The following APOL1 variants were observed in gnomAD, a reference collection of about 807,000 sequenced individuals.
The protein encoded by APOL1 is apolipoprotein L1.
APOL1 carries 17 observed loss-of-function variants against 14.9 expected under a neutral mutation model. The ratio of observed to expected loss-of-function variants is 1.14; its 90% confidence interval spans 0.78 to 1.71. The LOEUF is 1.71. Ranked by LOEUF, APOL1 falls within the 40% of genes most tolerant of loss-of-function variation. The pLI, the probability that APOL1 is intolerant of heterozygous loss-of-function variation, is 0.00. For synonymous variants in APOL1, 195 were observed against 184.8 expected (o/e 1.05, Z -0.45); for missense variants, 523 against 485.9 (o/e 1.08, Z -0.72).
At position 36,254,175 on chromosome 22, in the gene APOL1, C is replaced by G. The variant is rs115877308; in HGVS notation, c.-19-762C>G. On this transcript the variant is annotated intron_variant, in intron 1 of 5. Coordinates refer to ENST00000397278, the MANE Select transcript of APOL1 (RefSeq NM_003661.4). ...GACTCTGGGAAATTCACCTCCCCTC[C>G]CAGCCTGAGTATTTTCCCCTGTAAA... Among the ~76,000 whole-genome samples the G allele has an allele frequency of 0.011, 1,602 of 152,150 alleles. 29 individuals carry two copies. Among genetic ancestry groups the G allele is most frequent in the African/African-American group, 0.037 (1,520 of 41,402 alleles).
At chr22:36,260,425 T>C (rs2016042424) in intron 4 of APOL1, among the ~76,000 whole-genome samples, 1 of 152,162 alleles carries the variant, frequency 6.6e-6, no homozygotes, top group Non-Finnish European at 1.5e-5. Context: ...CTCTTGTGTG[T>C]GCACGGCAAG....
chr22:36,265,320 G>A lies in APOL1; in HGVS notation c.484G>A (p.Ala162Thr). The A allele has an allele frequency of 1.2e-6, 2 of 1,612,650 alleles. No homozygotes were observed. The highest frequency in any genetic ancestry group is 1.7e-6 in the Non-Finnish European group (2 of 1,179,326). The change falls in exon 6 of 6, where the codon GCA becomes ACA. Residue 162 changes from alanine to threonine, a missense_variant. Coordinates refer to ENST00000397278, the MANE Select transcript of APOL1 (RefSeq NM_003661.4). ...EDNIRRLRAL[A>T]DGVQKVHKGT... The stretch of plus-strand genomic sequence containing the variant: ...TAACATAAGAAGGCTCCGTGCCCTT[G>A]CAGATGGGGTTCAGAAGGTCCACAA...
At chr22:36,257,694 AGCG>A in intron 4 of APOL1, 1 of 201,040 alleles carries the variant, frequency 5.0e-6, no homozygotes, top group Non-Finnish European at 9.4e-6. Context: ...AAGTGGAATC[AGCG>A]GGGGGGGGGG....
In APOL1 at chr22:36,257,883, C is replaced by T. The variant is rs542681837; in HGVS notation, c.187+476C>T. Among the ~76,000 whole-genome samples the T allele has an allele frequency of 5.3e-5, 8 of 152,284 alleles. No individual in the cohort carries two copies. The South Asian group carries it at 1.7e-3, about 32-fold the overall frequency. On this transcript the variant is annotated intron_variant, in intron 4 of 5. Coordinates refer to ENST00000397278, the MANE Select transcript of APOL1 (RefSeq NM_003661.4). The stretch of plus-strand genomic sequence containing the variant: ...CCCTAGCCCCTTTGCTCTGAGTGGC[C>T]CTGTGGGAATGTATCGGGCCTGATT...
chr22:36,264,898 T>C (rs1005368603), intron 5 of APOL1, among the ~76,000 whole-genome samples: 2 of 150,188 alleles, frequency 1.3e-5, no homozygotes, highest in Non-Finnish European at 3.0e-5. Context: ...CTGCAAGCTC[T>C]GCCTCCCGGT....
In APOL1 at chr22:36,267,489, CTG is replaced by C. The variant is rs3075462; in HGVS notation, c.*1462_*1463del. 27,353 of 152,102 alleles carry C rather than the reference CTG, an allele frequency of 0.18. 2,528 individuals carry two copies. Among genetic ancestry groups the C allele is most frequent in the African/African-American group, 0.22 (9,290 of 41,470 alleles). 9.4% of individuals were successfully genotyped at this position (152,102 alleles called of 1,614,324 possible). ...TGTCTTGTCGCCGCCCAGGATTGAC[CTG>C]TGTGTAAGTCCCAATAAACTCACCT... On this transcript the variant is annotated 3_prime_UTR_variant, in exon 6 of 6. Transcript: ENST00000397278.
chr22:36,262,859 A>G (rs2016120197), intron 5 of APOL1, among the ~76,000 whole-genome samples: 1 of 152,218 alleles, frequency 6.6e-6, no homozygotes, highest in Non-Finnish European at 1.5e-5. Flanking sequence ...AGTATGTCTT[A>G]GTGACCATTT....
chr22:36,256,968 TG>T, intron 2 of APOL1, 114 bp from the exon 3 acceptor site: 1 of 1,125,542 alleles, frequency 8.9e-7, no homozygotes, highest in Non-Finnish European at 1.3e-6. Context: ...TCCCAGGCCC[TG>T]GTCATTGTCA....
chr22:36,265,259 GAA>G lies in APOL1; in HGVS notation c.425_426del (p.Lys142ArgfsTer8), dbSNP rs752185325. 3.1e-6 allele frequency: 5 copies of G among 1,614,168 alleles called. No homozygotes were observed. In the East Asian group the frequency reaches 1.1e-4, roughly 36 times the overall value. On this transcript the variant is annotated frameshift_variant, in exon 6 of 6. Coordinates refer to ENST00000397278, the MANE Select transcript of APOL1 (RefSeq NM_003661.4). LOFTEE classifies it low-confidence loss of function (END_TRUNC). ...KGQQYRNWFL[K>X]EFPRLKSELE... is the part of the protein sequence containing the mutation. The stretch of plus-strand genomic sequence containing the variant: ...GCCAGCAGTACAGAAACTGGTTTCT[GAA>G]AGAGTTTCCTCGGTTGAAAAGTGAG...
rs181540965 is a variant in APOL1 at position 36,266,748 on chromosome 22, A to C, written c.*715A>C. On this transcript the variant is annotated 3_prime_UTR_variant, in exon 6 of 6. Transcript: ENST00000397278. ...GTGAAACCCCGTCTCTACTAAAAAT[A>C]CAAAAAATTAGCCGGGCATGGTGGC... 1.4e-3 allele frequency: 459 copies of C among 331,960 alleles called. 4 individuals are homozygous for C. The East Asian group carries it at 0.018, about 13-fold the overall frequency. The allele number at this position is 331,960 out of a possible 1,614,324, so 20.6% of individuals were successfully genotyped here. A position where few individuals can be genotyped will look rare whatever the true frequency, so the allele number is the denominator to read the frequency against.
chr22:36,259,414 T>C (rs565347764), intron 4 of APOL1, among the ~76,000 whole-genome samples: 1 of 152,294 alleles, frequency 6.6e-6, no homozygotes, highest in Admixed American at 6.5e-5. Flanking sequence ...ATTGCGTTCA[T>C]TTCCCTAAGC....
chr22:36,264,972 C>T (rs1008415124), intron 5 of APOL1, among the ~76,000 whole-genome samples, 179 bp from the exon 6 acceptor site: 2 of 151,902 alleles, frequency 1.3e-5, no homozygotes, highest in African/African-American at 2.4e-5. Context: ...CCACCACGCC[C>T]GGCTAATTTT....
intron 5 of APOL1, among the ~76,000 whole-genome samples, chr22:36,263,864 G>A (rs543118186): frequency 6.6e-6 from 1 of 152,210 alleles, no homozygotes; most frequent in South Asian, 2.1e-4. Flanking sequence ...ACACCAGAGT[G>A]GGGGGTTCCT....
chr22:36,262,973 C>T (rs1186189486), intron 5 of APOL1, among the ~76,000 whole-genome samples: 1 of 152,216 alleles, frequency 6.6e-6, no homozygotes, highest in Non-Finnish European at 1.5e-5. Flanking sequence ...CCATCTTGTC[C>T]AAATTCAGGT....
chr22:36,266,148 T>C lies in APOL1; in HGVS notation c.*115T>C. 1.7e-6 allele frequency: 2 copies of C among 1,184,214 alleles called. No homozygotes were observed. The highest frequency in any genetic ancestry group is 2.5e-5 in the East Asian group (1 of 40,256). The allele number at this position is 1,184,214 out of a possible 1,614,324, so 73.4% of individuals were successfully genotyped here. On this transcript the variant is annotated 3_prime_UTR_variant, in exon 6 of 6. Coordinates refer to ENST00000397278, the MANE Select transcript of APOL1 (RefSeq NM_003661.4). The stretch of plus-strand genomic sequence containing the variant: ...GCTCTGTCGCCAAGTTGGAGTGCAA[T>C]GGTGCGATCTCAGCTCACTGCAAGC...
intron 4 of APOL1, chr22:36,259,638 C>G (rs1306060523): frequency 2.4e-6 from 3 of 1,273,040 alleles, no homozygotes; most frequent in Non-Finnish European, 2.1e-6. Context: ...ACTCTCCCCC[C>G]AAAACAAGAT....
chr22:36,261,357 C>G (rs573230702), intron 4 of APOL1, among the ~76,000 whole-genome samples: 1 of 152,094 alleles, frequency 6.6e-6, no homozygotes, highest in Non-Finnish European at 1.5e-5. Context: ...CCCTTGTGAT[C>G]TCATTCAGTC....
intron 1 of APOL1, chr22:36,253,728 A>C (rs1318900006): frequency 1.8e-6 from 1 of 565,684 alleles, no homozygotes; most frequent in Non-Finnish European, 3.2e-6. Flanking sequence ...CTGTGGGGAA[A>C]CTGAGGCCCT....
chr22:36,257,577 G>T, intron 4 of APOL1, 170 bp downstream of exon 4: 1 of 689,172 alleles, frequency 1.5e-6, no homozygotes, highest in Non-Finnish European at 2.6e-6. Flanking sequence ...GGGTCTGGGG[G>T]TCATCTGCAT....
Sources: gnomAD v4.1 joint callset for allele counts (sites outside exome capture counted in the v4.1 genomes callset) on GRCh38, gnomAD v4.1.1 for gene constraint, MANE v1.5 for transcripts, NCBI Gene and HGNC (gene_info 2026-07-23, HGNC 2026-07-21) for gene names.